PLCG2: variants seen among roughly 807,000 people sequenced by gnomAD.
PLCG2 encodes 1-phosphatidylinositol 4,5-bisphosphate phosphodiesterase gamma-2.
PLCG2 carries 69 observed loss-of-function variants against 175.6 expected under a neutral mutation model. The ratio of observed to expected loss-of-function variants is 0.39; its 90% CI spans 0.32 to 0.48. The LOEUF is 0.48. Among genes scored for constraint, PLCG2 ranks in the 20% least tolerant of loss-of-function variants. PLCG2 has a pLI of 0.91. For missense variants in PLCG2, 1,798 were observed against 1,650.9 expected, an observed-to-expected ratio of 1.09 and a Z score of -1.54; for synonymous variants, 827 against 624.0, an observed-to-expected ratio of 1.33 and a Z score of -4.85.
intron 2 of PLCG2, among the ~76,000 whole-genome samples, chr16:81,827,094 G>T (rs762256615): frequency 1.3e-5 from 2 of 152,062 alleles, no homozygotes; most frequent in Non-Finnish European, 2.9e-5. Context: ...GCATGTCCTT[G>T]TTGACCTTGC....
At chr16:81,913,741 G>A (rs1311870338) in intron 19 of PLCG2, among the ~76,000 whole-genome samples, 1 of 152,224 alleles carries the variant, frequency 6.6e-6, no homozygotes, top group Non-Finnish European at 1.5e-5. Context: ...ACTGTGGGGT[G>A]TGTGGTTTGC....
intron 2 of PLCG2, among the ~76,000 whole-genome samples, chr16:81,799,229 C>A (rs144681025): frequency 6.6e-6 from 1 of 152,130 alleles, no homozygotes; most frequent in African/African-American, 2.4e-5. Context: ...CCTTAGCCCC[C>A]GCCACCCCCC....
intron 22 of PLCG2, among the ~76,000 whole-genome samples, chr16:81,924,053 A>C (rs1386880785): frequency 1.3e-5 from 2 of 152,348 alleles, no homozygotes; most frequent in South Asian, 2.1e-4. Flanking sequence ...TTCCAATTCA[A>C]ATTCGTATGC....
chr16:81,863,086 A>G (rs557609464), intron 5 of PLCG2, among the ~76,000 whole-genome samples: 42 of 152,332 alleles, frequency 2.8e-4, no homozygotes, highest in South Asian at 1.0e-3. Context: ...GTTCTTAGAT[A>G]TGTACTTCTG....
At chr16:81,794,342 A>G (rs1455653924) in intron 2 of PLCG2, among the ~76,000 whole-genome samples, 2 of 152,234 alleles carry the variant, frequency 1.3e-5, no homozygotes, top group Non-Finnish European at 2.9e-5. Flanking sequence ...TGAAATTACT[A>G]TTAATAATAA....
At chr16:81,787,638 A>G (rs1284215390) in intron 2 of PLCG2, among the ~76,000 whole-genome samples, 1 of 151,376 alleles carries the variant, frequency 6.6e-6, no homozygotes, top group African/African-American at 2.4e-5. Context: ...GTTTTAGTAT[A>G]TTTATATAAA....
chr16:81,923,371 G>A, intron 21 of PLCG2, 114 bp from the exon 22 acceptor site: 1 of 634,438 alleles, frequency 1.6e-6, no homozygotes, highest in East Asian at 2.8e-5. Context: ...TTGTAACCTT[G>A]GCCTGAAGCC....
chr16:81,839,639 T>C (rs780950756), intron 2 of PLCG2, among the ~76,000 whole-genome samples: 7 of 152,218 alleles, frequency 4.6e-5, no homozygotes, highest in Non-Finnish European at 1.0e-4. Flanking sequence ...GCCAGGTATG[T>C]ATTTTTTCAA....
intron 5 of PLCG2, among the ~76,000 whole-genome samples, chr16:81,867,781 T>C (rs988678599): frequency 3.9e-5 from 6 of 152,054 alleles, no homozygotes; most frequent in African/African-American, 1.4e-4. Flanking sequence ...CACTGCAAGC[T>C]CCGCCTCCCG....
rs79107663 is a variant in PLCG2 at position 81,929,799 on chromosome 16, C to G, written c.2581+1175C>G. On this transcript the variant is annotated intron_variant, in intron 24 of 32. Coordinates refer to ENST00000564138, the MANE Select transcript of PLCG2 (RefSeq NM_002661.5). ...GATTACCAGATGGGAAAATCAAGGT[C>G]CTAAGTGACCGACCACCACATGTGC... Among the ~76,000 whole-genome samples the G allele has an allele frequency of 7.1e-3, 1,082 of 152,348 alleles. 6 individuals are homozygous for G. Among genetic ancestry groups the G allele is most frequent in the Non-Finnish European group, 9.3e-3 (636 of 68,038 alleles).
chr16:81,750,155 C>G (rs985979168), intron 1 of PLCG2, among the ~76,000 whole-genome samples: 1 of 152,114 alleles, frequency 6.6e-6, no homozygotes, highest in Non-Finnish European at 1.5e-5. Flanking sequence ...TGCCTGTAAT[C>G]CCAGCACTTT....
At chr16:81,878,147 T>A (rs1235024622) in intron 7 of PLCG2, among the ~76,000 whole-genome samples, 1 of 151,748 alleles carries the variant, frequency 6.6e-6, no homozygotes, top group East Asian at 1.9e-4. Flanking sequence ...CACGCCTGGC[T>A]AATTTTTTGT....
In PLCG2 at chr16:81,878,969, C is replaced by T. The variant is rs140454408; in HGVS notation, c.649-1941C>T. Among the ~76,000 whole-genome samples, 1,187 of 152,182 alleles carry T rather than the reference C, an allele frequency of 7.8e-3. 6 individuals are homozygous for T. Among genetic ancestry groups the T allele is most frequent in the African/African-American group, 0.017 (716 of 41,512 alleles). The stretch of plus-strand genomic sequence containing the variant: ...CGGTTGCTTCAACAAGCAGAGTGTC[C>T]GGGCAGGGAGTTGCAAGACCTGGCA... On this transcript the variant is annotated intron_variant, in intron 7 of 32. Transcript: ENST00000564138.
At chr16:81,926,351 C>G (rs1419666973) in intron 22 of PLCG2, among the ~76,000 whole-genome samples, 1 of 152,110 alleles carries the variant, frequency 6.6e-6, no homozygotes, top group South Asian at 2.1e-4. Flanking sequence ...GAAAATAGCT[C>G]AAGAGATGGG....
At chr16:81,910,764 T>C (rs764819427) in intron 18 of PLCG2, 44 bp downstream of exon 18, 2 of 1,557,896 alleles carry the variant, frequency 1.3e-6, no homozygotes. Context: ...GTGGTCGGGT[T>C]AGCTCCACCA....
chr16:81,739,956 A>G (rs8050742), intron 1 of PLCG2, among the ~76,000 whole-genome samples: 143,879 of 152,116 alleles, frequency 0.95, 68,553 homozygotes, highest in East Asian at 1. Flanking sequence ...TGGCCAAGAT[A>G]GTGAAACCCT....
chr16:81,744,165 CTTTTT>C (rs1185124266), intron 1 of PLCG2, among the ~76,000 whole-genome samples: 1 of 127,704 alleles, frequency 7.8e-6, no homozygotes. Context: ...GCCAACTTCC[CTTTTT>C]TTTTTTTTTT....
intron 2 of PLCG2, among the ~76,000 whole-genome samples, chr16:81,792,942 T>C (rs536268524): frequency 6.6e-6 from 1 of 152,330 alleles, no homozygotes; most frequent in Non-Finnish European, 1.5e-5. Flanking sequence ...TCCATATCTG[T>C]CAAGTGAGAT....
chr16:81,928,700 G>T, intron 24 of PLCG2, 76 bp downstream of exon 24: 1 of 964,492 alleles, frequency 1.0e-6, no homozygotes, highest in Non-Finnish European at 1.7e-6. Flanking sequence ...GCCCTACACA[G>T]GGAGGTGGCT....
Sources: allele counts gnomAD v4.1 joint callset (sites outside exome capture counted in the v4.1 genomes callset), GRCh38; gene constraint gnomAD v4.1.1; transcripts MANE v1.5; gene names NCBI Gene and HGNC (gene_info 2026-07-23, HGNC 2026-07-21).